The following IGSF3 variants were observed in gnomAD, a reference collection of about 807,000 sequenced individuals.
IGSF3 encodes immunoglobulin superfamily member 3, also known as glu-Trp-Ile EWI motif-containing protein 3.
IGSF3 carries 23 observed loss-of-function variants against 114.4 expected under a neutral mutation model. The observed-to-expected ratio is 0.20, with a 90% CI of 0.14 to 0.28. IGSF3 has a LOEUF of 0.28. Among genes scored for constraint, IGSF3 ranks in the 10% least tolerant of loss-of-function variants. IGSF3 has a pLI of 1.00. For missense variants in IGSF3, 1,172 were observed against 1,591.5 expected (o/e 0.74, Z 4.48); for synonymous variants, 571 against 645.2 (o/e 0.88, Z 1.74).
intron 1 of IGSF3, 140 bp from the exon 2 acceptor site, chr1:116,667,096 CTCTG>C (rs1353195700): frequency 1.1e-5 from 4 of 369,116 alleles, no homozygotes; most frequent in African/African-American, 8.3e-5. Context: ...TTGGGCAAGT[CTCTG>C]TCTTTCCCTC....
chr1:116,618,836 G>A lies in IGSF3; in HGVS notation c.44-2379C>T, dbSNP rs538356263. Reference sequence around the variant, plus strand: ...TTGAATTGCGGTGTTCTATGACAGCGCAACTACAACCAACCCCCATACATC... The same window carrying A: ...TTGAATTGCGGTGTTCTATGACAGCACAACTACAACCAACCCCCATACATC... On this transcript the variant is annotated intron_variant, in intron 2 of 10. Coordinates refer to ENST00000369486, the MANE Select transcript of IGSF3 (RefSeq NM_001007237.3). The surrounding 1 kb of genome is among the most constrained non-coding windows in gnomAD (Gnocchi z 4.7). Among the ~76,000 whole-genome samples, 19 of 152,180 alleles carry A rather than the reference G, an allele frequency of 1.2e-4. No homozygotes were observed. Among genetic ancestry groups the A allele is most frequent in the Middle Eastern group, 3.4e-3 (1 of 294 alleles).
rs945493673 is a variant in IGSF3, at chr1:116,642,286, A to AT, written c.43+23997dup. Among the ~76,000 whole-genome samples the AT allele has an allele frequency of 7.2e-5, 11 of 152,070 alleles. No individual in the cohort carries two copies. Among genetic ancestry groups the AT allele is most frequent in the African/African-American group, 2.7e-4 (11 of 41,408 alleles). On this transcript the variant is annotated intron_variant, in intron 2 of 10. Transcript: ENST00000369486. The surrounding 1 kb of genome is among the most constrained non-coding windows in gnomAD (Gnocchi z 5.4). ...GTAAAAGAATTATCCTTAAGTGGGT[A>AT]TTTTTTCCCTAAGTCTGAAATGACT...
In IGSF3 at chr1:116,614,804, T is replaced by C. The variant is rs377218927; in HGVS notation, c.422-629A>G. Among the ~76,000 whole-genome samples the C allele has an allele frequency of 6.6e-6, 1 of 152,118 alleles. No individual in the cohort carries two copies. The highest frequency in any genetic ancestry group is 6.5e-5 in the Admixed American group (1 of 15,272). On this transcript the variant is annotated intron_variant, in intron 3 of 10. Coordinates refer to ENST00000369486, the MANE Select transcript of IGSF3 (RefSeq NM_001007237.3). This position sits in a 1 kb window ranked among gnomAD's most constrained non-coding sequence, Gnocchi z 4.5. ...GGAAGGAAGCCACAGTCTGGAGAGA[T>C]TCAGGCAAGAGAAGAGATTTTCTCC...
intron 2 of IGSF3, among the ~76,000 whole-genome samples, chr1:116,659,035 A>G (rs1290470933): frequency 5.3e-5 from 8 of 152,236 alleles, no homozygotes; most frequent in Admixed American, 5.2e-4. Context: ...GTTATTAGAA[A>G]GCCTATTGTA....
Position 116,666,265 on chromosome 1 carries a change from G to A in IGSF3, c.43+19C>T. ...GTTAAACTTTCACATCGATTGCACTGATAAGCAGAGCCACTTACCCAGCAC... is the reference window on the plus strand; with the variant it reads ...GTTAAACTTTCACATCGATTGCACTAATAAGCAGAGCCACTTACCCAGCAC... On this transcript the variant is annotated intron_variant, in intron 2 of 10. Transcript: ENST00000369486. 1 of 1,611,738 alleles carries A rather than the reference G, an allele frequency of 6.2e-7. No homozygotes were observed. The highest frequency in any genetic ancestry group is 1.7e-5 in the Admixed American group (1 of 60,016).
Position 116,582,083 on chromosome 1 carries a change from T to G in IGSF3, c.2849-2206A>C, listed in dbSNP as rs1659624710. On this transcript the variant is annotated intron_variant, in intron 9 of 10. Transcript: ENST00000369486. This position sits in a 1 kb window ranked among gnomAD's most constrained non-coding sequence, Gnocchi z 4.7. ...TTTCTTGTCTTCTAACCGCTTAACATTTTTCTTGGCCCCTTCAAATGCCTT... is the reference window on the plus strand; with the variant it reads ...TTTCTTGTCTTCTAACCGCTTAACAGTTTTCTTGGCCCCTTCAAATGCCTT... 6.6e-6 allele frequency among the ~76,000 whole-genome samples: 1 copy of G among 152,198 alleles called. No individual in the cohort carries two copies. The highest frequency in any genetic ancestry group is 2.4e-5 in the African/African-American group (1 of 41,432).
Position 116,585,024 on chromosome 1 carries a change from C to A in IGSF3, c.2469G>T (p.Gln823His). Residue 823 changes from glutamine to histidine, a missense_variant, in exon 9 of 11, where the codon CAG becomes CAT. Gln to His is a conservative substitution (Grantham distance 24). Transcript: ENST00000369486. This position sits in a 1 kb window ranked among gnomAD's most constrained non-coding sequence, Gnocchi z 4.9. Reference protein sequence around the residue: ...PDSRLRLSQAQGNLSVLETRQ... With the variant: ...PDSRLRLSQAHGNLSVLETRQ... ...GGGTCTCCAGAACCGACAGGTTCCC[C>A]TGGGCTTGGCTGAGCCTCAGGCGGC... 1 of 1,547,500 alleles carries A rather than the reference C, an allele frequency of 6.5e-7. No homozygotes were observed.
chr1:116,577,378 G>A lies in IGSF3; in HGVS notation c.3519C>T (p.His1173=). 2 of 1,614,072 alleles carry A rather than the reference G, an allele frequency of 1.2e-6. No individual in the cohort carries two copies. Among genetic ancestry groups the A allele is most frequent in the Non-Finnish European group, 1.7e-6 (2 of 1,179,918 alleles). Residue 1173 remains histidine (H), a synonymous_variant, in exon 11 of 11, where the codon CAC becomes CAT. Transcript: ENST00000369486. The surrounding 1 kb of genome is among the most constrained non-coding windows in gnomAD (Gnocchi z 5.7). ...CCAGGCAAGTAGGGGAGTAGTTGAG[G>A]TGTGGCTCTTTGATCCACAGCAGAG... ...GVPLLWIKEP[H]LNYSPTCLEP...
intron 9 of IGSF3, among the ~76,000 whole-genome samples, chr1:116,581,858 C>A (rs778899301): frequency 6.6e-6 from 1 of 152,174 alleles, no homozygotes; most frequent in Non-Finnish European, 1.5e-5. Flanking sequence ...TACTAGAGAC[C>A]AAGGGGAGCC....
In IGSF3 at chr1:116,613,996, C is replaced by T. The variant is rs1661123271; in HGVS notation, c.601G>A (p.Asp201Asn). 2.5e-6 allele frequency: 4 copies of T among 1,614,082 alleles called. No individual in the cohort carries two copies. The African/African-American group carries it at 5.3e-5, about 22-fold the overall frequency. The change falls in exon 4 of 11, where the codon GAT becomes AAT. Residue 201 changes from aspartate to asparagine, a missense_variant. By Grantham distance (23) the Asp-to-Asn change is conservative. Transcript: ENST00000369486. ...KPVEVISLSR[D>N]FMLHSSSEYA... ...TCGCTGCTGGAGTGAAGCATGAAAT[C>T]TCGGCTCAGGGAGATGACCTCCACG...
Position 116,592,240 on chromosome 1 carries a change from G to T in IGSF3, c.2030-3136C>A, listed in dbSNP as rs997447407. ...AGCCTGAGAAACCCTGGACTTGGCC[G>T]TGTGAGTGAATGGGCTTTGAGAGGC... is the stretch of plus-strand genomic sequence containing the variant. On this transcript the variant is annotated intron_variant, in intron 7 of 10. Coordinates refer to ENST00000369486, the MANE Select transcript of IGSF3 (RefSeq NM_001007237.3). The surrounding 1 kb of genome is among the most constrained non-coding windows in gnomAD (Gnocchi z 4.5). 2.0e-5 allele frequency among the ~76,000 whole-genome samples: 3 copies of T among 152,214 alleles called. No individual in the cohort carries two copies. The highest frequency in any genetic ancestry group is 4.4e-5 in the Non-Finnish European group (3 of 68,034).
Position 116,599,975 on chromosome 1 carries a change from G to T in IGSF3, c.1995C>A (p.Thr665=). ...GCACCCTGATCTCCAGCAGGTTGGAGGTCCTCTCCGCCAGTCGCGTCCAGG... is the reference window on the plus strand; with the variant it reads ...GCACCCTGATCTCCAGCAGGTTGGATGTCCTCTCCGCCAGTCGCGTCCAGG... The part of the protein sequence containing the change: ...NNTWTRLAER[T]SNLLEIRVLQ... The change falls in exon 7 of 11, where the codon ACC becomes ACA. Residue 665 remains threonine, a synonymous_variant. Coordinates refer to ENST00000369486, the MANE Select transcript of IGSF3 (RefSeq NM_001007237.3). The T allele has an allele frequency of 6.2e-7, 1 of 1,613,600 alleles. No homozygotes were observed. Among genetic ancestry groups the T allele is most frequent in the Non-Finnish European group, 8.5e-7 (1 of 1,179,618 alleles).
intron 2 of IGSF3, among the ~76,000 whole-genome samples, chr1:116,630,872 C>A (rs1209428064): frequency 6.6e-6 from 1 of 152,126 alleles, no homozygotes; most frequent in African/African-American, 2.4e-5. Context: ...GAGAGCAGCT[C>A]GAATCTATGC....
chr1:116,614,191 G>A lies in IGSF3; in HGVS notation c.422-16C>T, dbSNP rs746345787. On this transcript the variant is annotated splice_polypyrimidine_tract_variant and intron_variant, in intron 3 of 10. Coordinates refer to ENST00000369486, the MANE Select transcript of IGSF3 (RefSeq NM_001007237.3). The surrounding 1 kb of genome is among the most constrained non-coding windows in gnomAD (Gnocchi z 4.5). ...TCTGGGATCACTGCAACACAGAAAT[G>A]TCCTGAGAGTGCAGTCACAAAGCCA... 2.5e-6 allele frequency: 4 copies of A among 1,597,254 alleles called. No individual in the cohort carries two copies. In the African/African-American group the frequency reaches 4.0e-5, roughly 16 times the overall value.
Position 116,649,819 on chromosome 1 carries a change from A to G in IGSF3, c.43+16465T>C, listed in dbSNP as rs1648555360. On this transcript the variant is annotated intron_variant, in intron 2 of 10. Transcript: ENST00000369486. The surrounding 1 kb of genome is among the most constrained non-coding windows in gnomAD (Gnocchi z 4.5). ...GCATAAGTCACGTGTCACCATATAA[A>G]CTCACAATTTGAGGTGCTCTAGAAT... Among the ~76,000 whole-genome samples the G allele has an allele frequency of 6.6e-6, 1 of 152,016 alleles. No individual in the cohort carries two copies. Among genetic ancestry groups the G allele is most frequent in the African/African-American group, 2.4e-5 (1 of 41,368 alleles).
intron 4 of IGSF3, among the ~76,000 whole-genome samples, 162 bp downstream of exon 4, chr1:116,613,603 T>A (rs1239955396): frequency 6.6e-6 from 1 of 152,182 alleles, no homozygotes; most frequent in Non-Finnish European, 1.5e-5. Flanking sequence ...GTCCCACACA[T>A]CCCTCAGCTC....
chr1:116,588,026 G>A lies in IGSF3; in HGVS notation c.2440+668C>T, dbSNP rs1659927635. ...CAGACTTCTCTTTGGTTGTTCCAGGGGCAGATCTAAAAAGGGAAATTACAG... is the reference window on the plus strand; with the variant it reads ...CAGACTTCTCTTTGGTTGTTCCAGGAGCAGATCTAAAAAGGGAAATTACAG... On this transcript the variant is annotated intron_variant, in intron 8 of 10. Coordinates refer to ENST00000369486, the MANE Select transcript of IGSF3 (RefSeq NM_001007237.3). The surrounding 1 kb of genome is among the most constrained non-coding windows in gnomAD (Gnocchi z 4.9). Among the ~76,000 whole-genome samples, 2 of 152,148 alleles carry A rather than the reference G, an allele frequency of 1.3e-5. No individual in the cohort carries two copies. The highest frequency in any genetic ancestry group is 4.8e-5 in the African/African-American group (2 of 41,426).
chr1:116,666,969 C>T lies in IGSF3; in HGVS notation c.-630-13G>A. ...CGCGAGCAGATTTCTAAAACAAACA[C>T]AACAGAGATTTTTATCAAAGGCAAA... On this transcript the variant is annotated splice_polypyrimidine_tract_variant and intron_variant, in intron 1 of 10. Coordinates refer to ENST00000369486, the MANE Select transcript of IGSF3 (RefSeq NM_001007237.3). The T allele has an allele frequency of 2.5e-6, 1 of 401,192 alleles. No homozygotes were observed. Among genetic ancestry groups the T allele is most frequent in the Non-Finnish European group, 4.4e-6 (1 of 228,230 alleles). The allele number at this position is 401,192 out of a possible 1,614,324, so 24.9% of individuals were successfully genotyped here. A position where few individuals can be genotyped will look rare whatever the true frequency, so the allele number is the denominator to read the frequency against.
At chr1:116,608,436 C>T (rs1660883585) in intron 4 of IGSF3, 105 bp from the exon 5 acceptor site, 3 of 867,788 alleles carry the variant, frequency 3.5e-6, no homozygotes, top group Non-Finnish European at 5.3e-6. Flanking sequence ...CTTTACAATA[C>T]TAACTGCGGG....
Sources: gnomAD v4.1 joint callset for allele counts (sites outside exome capture counted in the v4.1 genomes callset) on GRCh38, gnomAD v4.1.1 for gene constraint, Gnocchi (gnomAD v3.1) non-coding constraint, MANE v1.5 for transcripts, NCBI Gene and HGNC (gene_info 2026-07-23, HGNC 2026-07-21) for gene names.